Variants in TNNI3K observed in about 807,000 individuals in gnomAD.
TNNI3K encodes the protein serine/threonine-protein kinase TNNI3K.
A neutral mutation model predicts 114.5 loss-of-function variants in TNNI3K; 140 were observed. That is an observed-to-expected ratio of 1.22 (90% CI 1.07 to 1.41). The LOEUF (loss-of-function observed/expected upper bound fraction) is 1.41. Ranked by LOEUF, TNNI3K falls within the 40% of genes most tolerant of loss-of-function variation. The pLI is 0.00. For synonymous variants in TNNI3K, 347 were observed against 347.5 expected, an observed-to-expected ratio of 1.00 and a Z score of 0.02; for missense variants, 1,125 against 1,007.6, an observed-to-expected ratio of 1.12 and a Z score of -1.58.
chr1:74,262,376 A>G (rs1310175478), intron 4 of TNNI3K, among the ~76,000 whole-genome samples: 1 of 152,116 alleles, frequency 6.6e-6, no homozygotes, highest in Non-Finnish European at 1.5e-5. Context: ...AATCACTCCC[A>G]GTTGAGAACA....
rs566196587 is a variant in TNNI3K, at chr1:74,247,100, G to A, written c.150-2359G>A. 7.2e-5 allele frequency among the ~76,000 whole-genome samples: 11 copies of A among 152,288 alleles called. No individual in the cohort carries two copies. In the South Asian group the frequency reaches 2.3e-3, roughly 32 times the overall value. ...TGGTCTCACTGACTTCAAGAATGAA[G>A]CCGCGGACCCTCGCAGTGAGTGTTC... On this transcript the variant is annotated intron_variant, in intron 2 of 24. Transcript: ENST00000326637.
At chr1:74,353,206 C>G in intron 9 of TNNI3K, 60 bp from the exon 10 acceptor site, 1 of 1,566,996 alleles carries the variant, frequency 6.4e-7, no homozygotes, top group East Asian at 2.3e-5. Flanking sequence ...GGGGAGAGGG[C>G]ACAATTTAGT....
chr1:74,417,878 A>G (rs1338900418), intron 17 of TNNI3K, among the ~76,000 whole-genome samples: 1 of 152,098 alleles, frequency 6.6e-6, no homozygotes, highest in African/African-American at 2.4e-5. Context: ...GTTTTTAAGT[A>G]AAATGTGGCT....
intron 17 of TNNI3K, among the ~76,000 whole-genome samples, chr1:74,405,021 C>T (rs1219732519): frequency 6.6e-6 from 1 of 151,858 alleles, no homozygotes; most frequent in East Asian, 1.9e-4. Flanking sequence ...AAAGAAAGAC[C>T]ATTGAGTGAA....
chr1:74,472,632 C>T (rs899914201), intron 21 of TNNI3K, among the ~76,000 whole-genome samples: 13 of 151,792 alleles, frequency 8.6e-5, no homozygotes, highest in African/African-American at 3.1e-4. Flanking sequence ...TTCAGATAAT[C>T]AATAATAAGA....
intron 5 of TNNI3K, among the ~76,000 whole-genome samples, chr1:74,324,428 TATG>T (rs1321193187): frequency 9.2e-5 from 14 of 152,202 alleles, no homozygotes; most frequent in African/African-American, 3.4e-4. Context: ...ATGCTGCCAA[TATG>T]ATGATCACTG....
intron 5 of TNNI3K, among the ~76,000 whole-genome samples, chr1:74,320,981 G>A (rs3765661): frequency 0.035 from 5,366 of 152,264 alleles, 141 homozygotes; most frequent in Non-Finnish European, 0.056. Flanking sequence ...GAGGAGGAAT[G>A]TGAGAAGGAG....
rs547696038 is a variant in TNNI3K at position 74,392,953 on chromosome 1, A to T, written c.1772+22561A>T. 4.3e-3 allele frequency among the ~76,000 whole-genome samples: 653 copies of T among 152,326 alleles called. 3 individuals are homozygous for T. The highest frequency in any genetic ancestry group is 6.3e-3 in the Non-Finnish European group (431 of 68,026). On this transcript the variant is annotated intron_variant, in intron 17 of 24. Transcript: ENST00000326637. ...AGTTTCTGGGAACATTTTCTGCCTA[A>T]ACACAAGCCACTTATAGCTGTTTTC...
intron 17 of TNNI3K, among the ~76,000 whole-genome samples, chr1:74,417,676 ACGTGTTTGTGTGTG>A (rs1417589990): frequency 9.2e-6 from 1 of 108,876 alleles, no homozygotes; most frequent in Non-Finnish European, 1.8e-5. Context: ...AGAAAAGTGT[ACGTGTTTGTGTGTG>A]TGTGTGTGTG....
chr1:74,441,631 C>T (rs376058025), intron 20 of TNNI3K, among the ~76,000 whole-genome samples: 2 of 152,066 alleles, frequency 1.3e-5, no homozygotes, highest in East Asian at 3.9e-4. Context: ...AGTTGTTTCA[C>T]GTCCTTGCCA....
chr1:74,270,677 T>G (rs1469550317), intron 4 of TNNI3K, among the ~76,000 whole-genome samples: 1 of 151,838 alleles, frequency 6.6e-6, no homozygotes, highest in East Asian at 1.9e-4. Flanking sequence ...GTTATATGTA[T>G]GTAAGTCATA....
Position 74,287,064 on chromosome 1 carries a change from T to C in TNNI3K, c.444+15356T>C, listed in dbSNP as rs561910514. 5.3e-5 allele frequency among the ~76,000 whole-genome samples: 8 copies of C among 150,264 alleles called. No homozygotes were observed. In the South Asian group the frequency reaches 1.7e-3, roughly 32 times the overall value. On this transcript the variant is annotated intron_variant, in intron 5 of 24. Coordinates refer to ENST00000326637, the MANE Select transcript of TNNI3K (RefSeq NM_015978.3). ...AGAGCACAATGATTGAACTAAAAAA[T>C]TTCACAGAGAACTTCAACACAAACT...
intron 5 of TNNI3K, among the ~76,000 whole-genome samples, chr1:74,308,622 T>C (rs1254901996): frequency 2.0e-5 from 3 of 151,846 alleles, no homozygotes; most frequent in African/African-American, 7.3e-5. Context: ...GAACTTAACC[T>C]AAAGATAGAA....
At position 74,236,188 on chromosome 1, in the gene TNNI3K, A is replaced by G. The variant is rs1653847391; in HGVS notation, c.127A>G (p.Thr43Ala). The change falls in exon 2 of 25, where the codon ACA becomes GCA. Residue 43 changes from threonine (T) to alanine (A), a missense_variant. Transcript: ENST00000326637. Reference protein sequence around the residue: ...DDLQIKEKELTELRNIFGSDE... With the variant: ...DDLQIKEKELAELRNIFGSDE... Reference sequence around the variant, plus strand: ...CCTGCAGATCAAGGAAAAAGAACTGACAGAACTAAGGAATATATTTGGGTA... The same window carrying G: ...CCTGCAGATCAAGGAAAAAGAACTGGCAGAACTAAGGAATATATTTGGGTA... 3 of 1,607,096 alleles carry G rather than the reference A, an allele frequency of 1.9e-6. No homozygotes were observed. The highest frequency in any genetic ancestry group is 1.7e-5 in the Admixed American group (1 of 59,678).
At chr1:74,483,370 A>G (rs1277676040) in intron 21 of TNNI3K, 1 of 717,122 alleles carries the variant, frequency 1.4e-6, no homozygotes, top group Non-Finnish European at 2.6e-6. Flanking sequence ...AGTACCAGCC[A>G]TCCACCTGAA....
At chr1:74,516,555 T>C (rs1174747545) in intron 23 of TNNI3K, among the ~76,000 whole-genome samples, 2 of 151,582 alleles carry the variant, frequency 1.3e-5, no homozygotes, top group South Asian at 2.1e-4. Context: ...CAGGGAGCAA[T>C]AGAGGATGAG....
At chr1:74,498,249 A>G (rs778509618) in intron 23 of TNNI3K, among the ~76,000 whole-genome samples, 11 of 152,172 alleles carry the variant, frequency 7.2e-5, no homozygotes, top group African/African-American at 2.7e-4. Context: ...TTTAACCTTG[A>G]CATCCCCCTT....
At chr1:74,451,835 T>C (rs1667042168) in intron 20 of TNNI3K, among the ~76,000 whole-genome samples, 1 of 150,670 alleles carries the variant, frequency 6.6e-6, no homozygotes, top group Non-Finnish European at 1.5e-5. Context: ...TGGTAAGATA[T>C]ATACCTCAGA....
intron 4 of TNNI3K, among the ~76,000 whole-genome samples, chr1:74,266,167 G>A (rs1387988505): frequency 5.3e-5 from 8 of 152,016 alleles, no homozygotes. Flanking sequence ...CTGAGAAAAT[G>A]TGAATGAATG....
Sources: allele counts gnomAD v4.1 joint callset (sites outside exome capture counted in the v4.1 genomes callset), GRCh38; gene constraint gnomAD v4.1.1; transcripts MANE v1.5; gene names NCBI Gene and HGNC (gene_info 2026-07-23, HGNC 2026-07-21).